OPN5: variants seen among roughly 807,000 people sequenced by gnomAD.
The protein encoded by OPN5 is opsin-5.
In OPN5, 18 loss-of-function variants were observed where a neutral mutation model predicts 41.7. That is an observed-to-expected ratio of 0.43 (90% CI 0.30 to 0.64). The LOEUF (loss-of-function observed/expected upper bound fraction) is 0.64, where lower values mean the gene tolerates loss of function less well. Ranked by LOEUF, OPN5 falls within the 30% of genes least tolerant of loss-of-function variation. OPN5 has a pLI of 0.13. For missense variants in OPN5, 318 were observed against 434.5 expected, an observed-to-expected ratio of 0.73 and a Z score of 2.38; for synonymous variants, 178 against 164.3, an observed-to-expected ratio of 1.08 and a Z score of -0.64.
At chr6:47,784,002 C>A (rs915199536) in intron 1 of OPN5, among the ~76,000 whole-genome samples, 7 of 152,152 alleles carry the variant, frequency 4.6e-5, no homozygotes, top group Non-Finnish European at 7.3e-5. Context: ...GTGAGGAAAT[C>A]AGGAGAATTT....
At chr6:47,809,491 T>C (rs1457352777) in intron 5 of OPN5, among the ~76,000 whole-genome samples, 1 of 152,126 alleles carries the variant, frequency 6.6e-6, no homozygotes, top group Admixed American at 6.6e-5. Context: ...ATTGCTGTGG[T>C]ATAGGGGAAG....
intron 6 of OPN5, among the ~76,000 whole-genome samples, chr6:47,822,439 A>C (rs1274251757): frequency 1.3e-5 from 2 of 152,188 alleles, no homozygotes; most frequent in East Asian, 3.8e-4. Flanking sequence ...CCTTACACCC[A>C]AAACTGTACT....
intron 4 of OPN5, among the ~76,000 whole-genome samples, chr6:47,801,706 T>G (rs1773781065): frequency 6.6e-6 from 1 of 152,226 alleles, no homozygotes; most frequent in South Asian, 2.1e-4. Context: ...CATATCACAA[T>G]TTTTAATTAA....
At chr6:47,802,492 C>G (rs1355117669) in intron 4 of OPN5, among the ~76,000 whole-genome samples, 1 of 152,140 alleles carries the variant, frequency 6.6e-6, no homozygotes, top group African/African-American at 2.4e-5. Flanking sequence ...GTTTTCTCAT[C>G]TGTGAAAGTG....
chr6:47,821,698 G>A (rs1202738245), intron 6 of OPN5, among the ~76,000 whole-genome samples: 1 of 152,094 alleles, frequency 6.6e-6, no homozygotes, highest in Non-Finnish European at 1.5e-5. Flanking sequence ...TCAAAATGCA[G>A]CATTTGAAGT....
chr6:47,782,109 C>T (rs373003272), exon 1 of OPN5: 3 of 1,613,228 alleles, frequency 1.9e-6, no homozygotes, highest in African/African-American at 2.7e-5. Flanking sequence ...CGAGCGCCTG[C>T]CCCATTACCT....
intron 4 of OPN5, among the ~76,000 whole-genome samples, chr6:47,797,920 C>T (rs1773628782): frequency 6.6e-6 from 1 of 152,164 alleles, no homozygotes; most frequent in Non-Finnish European, 1.5e-5. Flanking sequence ...GAGTGAGAAG[C>T]TTGTCTAGTC....
intron 3 of OPN5, among the ~76,000 whole-genome samples, chr6:47,792,581 G>GT (rs1453884993): frequency 3.9e-5 from 6 of 152,098 alleles, no homozygotes; most frequent in Admixed American, 2.0e-4. Context: ...CTAAATATAT[G>GT]TTTTTTAATG....
chr6:47,821,113 C>T (rs2114014457), intron 6 of OPN5, among the ~76,000 whole-genome samples: 1 of 152,228 alleles, frequency 6.6e-6, no homozygotes, highest in Non-Finnish European at 1.5e-5. Context: ...AGGAGCTGGC[C>T]TTGCTGCATC....
chr6:47,782,153 T>C, exon 1 of OPN5: 1 of 1,613,812 alleles, frequency 6.2e-7, no homozygotes, highest in South Asian at 1.1e-5. Flanking sequence ...CCAAACTTTC[T>C]TGGGAAGCGG....
intron 2 of OPN5, among the ~76,000 whole-genome samples, chr6:47,791,452 G>C (rs544362081): frequency 6.6e-6 from 1 of 152,312 alleles, no homozygotes; most frequent in South Asian, 2.1e-4. Context: ...TGTTAAAAGT[G>C]ACCAGATCGT....
Position 47,808,125 on chromosome 6 carries a change from T to C in OPN5, c.757-29T>C, listed in dbSNP as rs746951311. 1.9e-6 allele frequency: 3 copies of C among 1,612,940 alleles called. No individual in the cohort carries two copies. The Admixed American group carries it at 5.0e-5, about 27-fold the overall frequency. On this transcript the variant is annotated intron_variant, in intron 4 of 6. Transcript: ENST00000371211. ...TCATGTCCTTTATCAGTCATCTTGATTCTTTTCTCTGTTGCTTTCCCTCAT... is the reference window on the plus strand; with the variant it reads ...TCATGTCCTTTATCAGTCATCTTGACTCTTTTCTCTGTTGCTTTCCCTCAT...
At chr6:47,820,433 G>T (rs186235947) in intron 6 of OPN5, among the ~76,000 whole-genome samples, 1 of 152,212 alleles carries the variant, frequency 6.6e-6, no homozygotes, top group Non-Finnish European at 1.5e-5. Context: ...GATTTATTCT[G>T]TATGTAGATT....
Position 47,791,789 on chromosome 6 carries a change from C to T in OPN5, c.251-13C>T. The stretch of plus-strand genomic sequence containing the variant: ...CAGAGGAACGTCTGTTGACAAGTCA[C>T]TTGGTGCTCTAGTTGTAGGCAAGCC... On this transcript the variant is annotated splice_polypyrimidine_tract_variant and intron_variant, in intron 2 of 6. Coordinates refer to ENST00000371211, the Ensembl canonical transcript of OPN5. 1 of 1,613,096 alleles carries T rather than the reference C, an allele frequency of 6.2e-7. No homozygotes were observed. The highest frequency in any genetic ancestry group is 8.5e-7 in the Non-Finnish European group (1 of 1,179,286).
intron 6 of OPN5, among the ~76,000 whole-genome samples, chr6:47,813,110 C>CAAAAAA (rs1189106345): frequency 0.012 from 1,340 of 114,418 alleles, 27 homozygotes; most frequent in African/African-American, 0.036. Context: ...ACAACAACAA[C>CAAAAAA]AACAAGCAAC....
chr6:47,813,900 G>A (rs1263121490), intron 6 of OPN5, among the ~76,000 whole-genome samples: 2 of 152,076 alleles, frequency 1.3e-5, no homozygotes, highest in African/African-American at 4.8e-5. Context: ...GAAAAATACA[G>A]GAAAGTGAAT....
rs143214850 is a variant in OPN5 at position 47,815,727 on chromosome 6, T to A, written c.1056+3996T>A. On this transcript the variant is annotated intron_variant, in intron 6 of 6. Transcript: ENST00000371211. Reference sequence around the variant, plus strand: ...AACACATTTAAGGGCATGCCCTCACTCAGTACAGACTTTGCTCAAAACCTC... The same window carrying A: ...AACACATTTAAGGGCATGCCCTCACACAGTACAGACTTTGCTCAAAACCTC... Among the ~76,000 whole-genome samples, 277 of 152,172 alleles carry A rather than the reference T, an allele frequency of 1.8e-3. 2 individuals carry two copies. Among genetic ancestry groups the A allele is most frequent in the African/African-American group, 6.5e-3 (272 of 41,542 alleles).
chr6:47,790,107 AT>A, intron 2 of OPN5, among the ~76,000 whole-genome samples: 1 of 152,338 alleles, frequency 6.6e-6, no homozygotes, highest in Non-Finnish European at 1.5e-5. Context: ...CCGTATTTGA[AT>A]AAGACATAAC....
intron 5 of OPN5, among the ~76,000 whole-genome samples, chr6:47,811,196 T>C (rs574427181): frequency 5.9e-5 from 9 of 152,062 alleles, no homozygotes; most frequent in Non-Finnish European, 8.8e-5. Flanking sequence ...GAACATTTGA[T>C]TGGGGGTATG....
Sources: allele counts gnomAD v4.1 joint callset (sites outside exome capture counted in the v4.1 genomes callset), GRCh38; gene constraint gnomAD v4.1.1; transcripts MANE v1.5; gene names NCBI Gene and HGNC (gene_info 2026-07-23, HGNC 2026-07-21).